The following SDK1 variants were observed in gnomAD, a reference collection of about 807,000 sequenced individuals.
SDK1 encodes the protein protein sidekick-1.
Under a neutral mutation model 245.5 loss-of-function variants are expected in SDK1, and 157 were observed. The ratio of observed to expected loss-of-function variants is 0.64; its 90% CI spans 0.56 to 0.73. The LOEUF is 0.73. Among genes scored for constraint, SDK1 ranks in the 30% least tolerant of loss-of-function variants. The pLI is 0.00. For missense variants in SDK1, 3,583 were observed against 3,002.3 expected, an observed-to-expected ratio of 1.19 and a Z score of -4.52; for synonymous variants, 1,647 against 1,278.5, an observed-to-expected ratio of 1.29 and a Z score of -6.15.
At chr7:4,107,706 C>G (rs1584156556) in intron 22 of SDK1, among the ~76,000 whole-genome samples, 2 of 152,126 alleles carry the variant, frequency 1.3e-5, no homozygotes, top group East Asian at 3.9e-4. Flanking sequence ...TCCGCACTCC[C>G]CAGTATCTGG....
At chr7:3,458,036 A>C (rs1231884480) in intron 1 of SDK1, among the ~76,000 whole-genome samples, 1 of 152,102 alleles carries the variant, frequency 6.6e-6, no homozygotes, top group Non-Finnish European at 1.5e-5. Flanking sequence ...GCCTCCAGTG[A>C]TTCTCTTGAC....
rs115203888 is a variant in SDK1, at chr7:3,831,363, C to G, written c.847+9780C>G. Among the ~76,000 whole-genome samples the G allele has an allele frequency of 3.7e-3, 561 of 152,224 alleles. 3 individuals are homozygous for G. The highest frequency in any genetic ancestry group is 0.013 in the African/African-American group (548 of 41,548). ...CTCGTACCTTCCCAGTATGATTTTT[C>G]CTTTTACGAATGAGTTCAGTATTCT... On this transcript the variant is annotated intron_variant, in intron 5 of 44. Coordinates refer to ENST00000404826, the MANE Select transcript of SDK1 (RefSeq NM_152744.4).
intron 1 of SDK1, among the ~76,000 whole-genome samples, chr7:3,552,015 C>G (rs1043051861): frequency 1.3e-5 from 2 of 151,938 alleles, no homozygotes; most frequent in African/African-American, 4.8e-5. Flanking sequence ...AACTCCTAAA[C>G]ATGAAAGATT....
chr7:4,262,614 C>T (rs974658756), intron 44 of SDK1, among the ~76,000 whole-genome samples: 4 of 151,356 alleles, frequency 2.6e-5, no homozygotes, highest in South Asian at 4.2e-4. Flanking sequence ...TTCATTTCTC[C>T]GTCCCCTCCC....
At chr7:4,054,351 A>G (rs1157436893) in intron 19 of SDK1, among the ~76,000 whole-genome samples, 1 of 152,206 alleles carries the variant, frequency 6.6e-6, no homozygotes, top group African/African-American at 2.4e-5. Flanking sequence ...ACATTTGCGA[A>G]ACTATAGTAT....
chr7:3,682,393 G>C (rs945229802), intron 4 of SDK1, among the ~76,000 whole-genome samples: 1 of 152,128 alleles, frequency 6.6e-6, no homozygotes, highest in Non-Finnish European at 1.5e-5. Context: ...ATTTCCAGAG[G>C]GGAAGAAAAC....
intron 44 of SDK1, among the ~76,000 whole-genome samples, chr7:4,248,554 A>G (rs1242574878): frequency 2.0e-5 from 3 of 152,024 alleles, no homozygotes; most frequent in African/African-American, 7.3e-5. Flanking sequence ...AAACACATAC[A>G]TATACCTATA....
At chr7:4,043,765 GA>G (rs1788814778) in intron 17 of SDK1, among the ~76,000 whole-genome samples, 1 of 151,988 alleles carries the variant, frequency 6.6e-6, no homozygotes, top group Non-Finnish European at 1.5e-5. Context: ...TTACTTTAGA[GA>G]ATTTAACAAC....
At chr7:3,853,453 ACT>A (rs1287767630) in intron 5 of SDK1, among the ~76,000 whole-genome samples, 5 of 151,526 alleles carry the variant, frequency 3.3e-5, no homozygotes, top group African/African-American at 4.9e-5. Flanking sequence ...AATATTAAAA[ACT>A]CTGTTAGAAA....
At chr7:3,337,370 GA>G (rs767898346) in intron 1 of SDK1, among the ~76,000 whole-genome samples, 10 of 148,992 alleles carry the variant, frequency 6.7e-5, no homozygotes, top group African/African-American at 1.2e-4. Flanking sequence ...AAATAGACTG[GA>G]AAAAAAAAGT....
chr7:3,584,079 ATCGATTTGAATACTTTT>A (rs1327542488), intron 1 of SDK1, among the ~76,000 whole-genome samples: 1 of 152,196 alleles, frequency 6.6e-6, no homozygotes, highest in Non-Finnish European at 1.5e-5. Context: ...GGGGAAAGAC[ATCGATTTGAATACTTTT>A]TCCCTTAGTA....
intron 4 of SDK1, among the ~76,000 whole-genome samples, chr7:3,771,550 G>C (rs1212438712): frequency 2.0e-5 from 3 of 152,178 alleles, no homozygotes; most frequent in Non-Finnish European, 2.9e-5. Context: ...TTTGGTTACA[G>C]GGACTGACAT....
intron 1 of SDK1, among the ~76,000 whole-genome samples, chr7:3,501,728 T>A (rs534856178): frequency 6.6e-6 from 1 of 152,368 alleles, no homozygotes; most frequent in South Asian, 2.1e-4. Flanking sequence ...ATAATGTTTT[T>A]ATTTTTTGTT....
rs1779748017 is a variant in SDK1, at chr7:3,561,444, A to T, written c.299-57636A>T. Among the ~76,000 whole-genome samples, 4 of 151,962 alleles carry T rather than the reference A, an allele frequency of 2.6e-5. No homozygotes were observed. In the South Asian group the frequency reaches 8.3e-4, roughly 32 times the overall value. ...TCATAGGTGTGTTTCTACGTGTTAG[A>T]CTCCACAAGCAGTGAAACTCGGAGA... On this transcript the variant is annotated intron_variant, in intron 1 of 44. Coordinates refer to ENST00000404826, the MANE Select transcript of SDK1 (RefSeq NM_152744.4).
chr7:4,198,357 TG>T (rs914849529), intron 35 of SDK1, among the ~76,000 whole-genome samples: 3 of 152,214 alleles, frequency 2.0e-5, no homozygotes, highest in African/African-American at 7.2e-5. Flanking sequence ...GGGTGTTGGC[TG>T]GGACACCTGG....
intron 1 of SDK1, among the ~76,000 whole-genome samples, chr7:3,536,737 G>C (rs1778900696): frequency 6.6e-6 from 1 of 151,746 alleles, no homozygotes; most frequent in African/African-American, 2.4e-5. Flanking sequence ...GCATTGAAAA[G>C]TGTCTGAAAG....
intron 5 of SDK1, among the ~76,000 whole-genome samples, chr7:3,823,717 G>A (rs1255196925): frequency 1.3e-5 from 2 of 152,124 alleles, no homozygotes; most frequent in Non-Finnish European, 2.9e-5. Context: ...GTAAAAATGT[G>A]TAAAAAGTGA....
intron 1 of SDK1, among the ~76,000 whole-genome samples, chr7:3,528,378 G>T (rs1314460575): frequency 6.6e-6 from 1 of 151,836 alleles, no homozygotes; most frequent in Non-Finnish European, 1.5e-5. Flanking sequence ...GTCAGCTAGG[G>T]GGTGAGTGGT....
intron 1 of SDK1, among the ~76,000 whole-genome samples, chr7:3,497,276 C>G (rs895491318): frequency 2.6e-5 from 4 of 152,260 alleles, no homozygotes; most frequent in Admixed American, 6.5e-5. Context: ...AGGGCTAAAA[C>G]TGTGAAATAA....
Sources: allele counts gnomAD v4.1 joint callset (sites outside exome capture counted in the v4.1 genomes callset), GRCh38; gene constraint gnomAD v4.1.1; transcripts MANE v1.5; gene names NCBI Gene and HGNC (gene_info 2026-07-23, HGNC 2026-07-21).